ODAD3: variants seen among roughly 807,000 people sequenced by gnomAD.
The protein encoded by ODAD3 is outer dynein arm docking complex subunit 3, also known as outer dynein arm-docking complex subunit 3.
ODAD3 carries 57 observed loss-of-function variants against 70.9 expected under a neutral mutation model. The ratio of observed to expected loss-of-function variants is 0.80; its 90% CI spans 0.65 to 1.00. The LOEUF is 1.00. Among genes scored for constraint, ODAD3 ranks in the 50% least tolerant of loss-of-function variants. The pLI, the probability that ODAD3 is intolerant of heterozygous loss-of-function variation, is 0.00. For synonymous variants in ODAD3, 327 were observed against 315.9 expected (o/e 1.04, Z -0.37); for missense variants, 797 against 763.9 (o/e 1.04, Z -0.51).
upstream of ODAD3, chr19:11,435,725 G>A: frequency 1.5e-6 from 2 of 1,336,422 alleles, no homozygotes; most frequent in Non-Finnish European, 2.0e-6. Context: ...GAACGAGCGG[G>A]TGGGAGGGCA....
chr19:11,425,296 T>TATATGTGTATGTGTAC lies in ODAD3; in HGVS notation c.963+832_963+847dup, dbSNP rs1258782255. Among the ~76,000 whole-genome samples, 4 of 132,550 alleles carry TATATGTGTATGTGTAC rather than the reference T, an allele frequency of 3.0e-5. 1 individual carries two copies. Among genetic ancestry groups the TATATGTGTATGTGTAC allele is most frequent in the Non-Finnish European group, 6.1e-5 (4 of 65,296 alleles). The allele number at this position is 132,550 out of a possible 152,430, so 87.0% of individuals were successfully genotyped here. The stretch of plus-strand genomic sequence containing the variant: ...ATGTGTGTATATGTACATATGTGTA[T>TATATGTGTATGTGTAC]ATATGTGTATGTGTACATATGTGTA... On this transcript the variant is annotated intron_variant, in intron 7 of 12. Transcript: ENST00000356392.
intron 3 of ODAD3, among the ~76,000 whole-genome samples, chr19:11,429,640 C>T (rs573817813): frequency 2.6e-5 from 4 of 152,000 alleles, no homozygotes; most frequent in Admixed American, 2.6e-4. Flanking sequence ...GAACTCCTGA[C>T]CTTGTGATCC....
chr19:11,433,811 C>T (rs1359886048), intron 1 of ODAD3, among the ~76,000 whole-genome samples: 1 of 152,088 alleles, frequency 6.6e-6, no homozygotes, highest in Non-Finnish European at 1.5e-5. Context: ...CCTGTAGTCC[C>T]AGCTACTCAG....
rs1412553923 is a variant in ODAD3, at chr19:11,429,297, C to T, written c.444+1402G>A. 3.9e-5 allele frequency among the ~76,000 whole-genome samples: 6 copies of T among 152,002 alleles called. No individual in the cohort carries two copies. The South Asian group carries it at 6.2e-4, about 16-fold the overall frequency. On this transcript the variant is annotated intron_variant, in intron 3 of 12. Coordinates refer to ENST00000356392, the MANE Select transcript of ODAD3 (RefSeq NM_145045.5). The stretch of plus-strand genomic sequence containing the variant: ...ACCAGTCTCAGCTCACTGCAAGCTC[C>T]GCCTCCCGGGTTCAAACTGTTCTCC...
intron 8 of ODAD3, among the ~76,000 whole-genome samples, chr19:11,423,417 G>A (rs753714781): frequency 2.7e-4 from 41 of 152,138 alleles, no homozygotes; most frequent in Non-Finnish European, 4.6e-4. Context: ...GACCCAAGGG[G>A]GACACAGCGG....
intron 3 of ODAD3, among the ~76,000 whole-genome samples, chr19:11,428,504 A>T (rs1374432706): frequency 6.6e-6 from 1 of 152,128 alleles, no homozygotes; most frequent in Non-Finnish European, 1.5e-5. Context: ...TGGCCTCCCA[A>T]AGTACTAGGA....
intron 3 of ODAD3, among the ~76,000 whole-genome samples, chr19:11,428,908 GAC>G (rs1240991612): frequency 7.3e-6 from 1 of 137,472 alleles, no homozygotes; most frequent in Non-Finnish European, 1.6e-5. Flanking sequence ...TTTATTTTGA[GAC>G]AGAGTTGCCC....
At position 11,421,885 on chromosome 19, in the gene ODAD3, G is replaced by A. The variant is rs141084493; in HGVS notation, c.1435-53C>T. On this transcript the variant is annotated intron_variant, in intron 10 of 12. Coordinates refer to ENST00000356392, the MANE Select transcript of ODAD3 (RefSeq NM_145045.5). Reference sequence around the variant, plus strand: ...CGAGAGGGGTGGGGCCTCTTGGAAGGCTCCACCCAGGGGCGGGGCTTTTCT... The same window carrying A: ...CGAGAGGGGTGGGGCCTCTTGGAAGACTCCACCCAGGGGCGGGGCTTTTCT... 3.5e-5 allele frequency: 55 copies of A among 1,561,932 alleles called. No homozygotes were observed. In the East Asian group the frequency reaches 1.2e-3, roughly 35 times the overall value.
intron 7 of ODAD3, among the ~76,000 whole-genome samples, chr19:11,425,079 G>GTATATGTACATATGTGTA (rs1432512446): frequency 7.5e-6 from 1 of 134,162 alleles, no homozygotes; most frequent in East Asian, 2.4e-4. Flanking sequence ...ATGTATATGT[G>GTATATGTACATATGTGTA]TATATGTACA....
Position 11,422,578 on chromosome 19 carries a change from G to C in ODAD3, c.1327C>G (p.Arg443Gly). 3 of 1,592,506 alleles carry C rather than the reference G, an allele frequency of 1.9e-6. No homozygotes were observed. The highest frequency in any genetic ancestry group is 2.6e-6 in the Non-Finnish European group (3 of 1,172,044). The change falls in exon 10 of 13, where the codon CGG becomes GGG. Residue 443 changes from arginine to glycine, a missense_variant. Arg to Gly is a moderately radical substitution (Grantham distance 125). Transcript: ENST00000356392. This position sits in a 1 kb window ranked among gnomAD's most constrained non-coding sequence, Gnocchi z 4.6. Reference protein sequence around the residue: ...EAQERLKKEERRHAEAKDQLE... With the variant: ...EAQERLKKEEGRHAEAKDQLE... ...TGGTCCTTGGCCTCGGCGTGCCGCC[G>C]CTCCTCCTTCTTGAGACGCTCCTGC...
At position 11,425,427 on chromosome 19, in the gene ODAD3, AC is replaced by A. The variant is rs1236738945; in HGVS notation, c.963+716del. On this transcript the variant is annotated intron_variant, in intron 7 of 12. Coordinates refer to ENST00000356392, the MANE Select transcript of ODAD3 (RefSeq NM_145045.5). The stretch of plus-strand genomic sequence containing the variant: ...TATATATACATATATGTGTATATAC[AC>A]ATATGTGTATATGTATATATACATA... 3.0e-3 allele frequency among the ~76,000 whole-genome samples: 425 copies of A among 142,624 alleles called. 18 individuals carry two copies. The highest frequency in any genetic ancestry group is 0.011 in the African/African-American group (401 of 37,010). 93.6% of individuals were successfully genotyped at this position (142,624 alleles called of 152,430 possible).
chr19:11,423,974 T>C lies in ODAD3; in HGVS notation c.1019A>G (p.His340Arg). Residue 340 changes from histidine (H) to arginine (R), a missense_variant, in exon 8 of 13, where the codon CAT becomes CGT. Transcript: ENST00000356392. The stretch of plus-strand genomic sequence containing the variant: ...CTGCCGCAGCTCCTCCTCCTTGGCA[T>C]GCAGGCTGTCCTGGATGGTGTCGTC... Reference protein sequence around the residue: ...QSDDTIQDSLHAKEEELRQRW... With the variant: ...QSDDTIQDSLRAKEEELRQRW... The C allele has an allele frequency of 2.5e-6, 4 of 1,613,032 alleles. No individual in the cohort carries two copies. The highest frequency in any genetic ancestry group is 1.1e-5 in the South Asian group (1 of 91,078).
chr19:11,425,272 T>G lies in ODAD3; in HGVS notation c.963+872A>C, dbSNP rs1435190574. On this transcript the variant is annotated intron_variant, in intron 7 of 12. Coordinates refer to ENST00000356392, the MANE Select transcript of ODAD3 (RefSeq NM_145045.5). Reference sequence around the variant, plus strand: ...ATATGTATATGTACATATGTGTATATGTGTGTATATGTACATATGTGTATA... The same window carrying G: ...ATATGTATATGTACATATGTGTATAGGTGTGTATATGTACATATGTGTATA... 3.6e-5 allele frequency among the ~76,000 whole-genome samples: 5 copies of G among 138,628 alleles called. 2 individuals carry two copies. Among genetic ancestry groups the G allele is most frequent in the African/African-American group, 1.2e-4 (4 of 33,244 alleles). The allele number at this position is 138,628 out of a possible 152,430, so 90.9% of individuals were successfully genotyped here.
intron 3 of ODAD3, 39 bp downstream of exon 3, chr19:11,430,660 C>T (rs547975450): frequency 1.6e-5 from 25 of 1,608,222 alleles, no homozygotes; most frequent in Non-Finnish European, 2.0e-5. Context: ...GGGACCCAGG[C>T]TGGAAATGAA....
chr19:11,424,656 T>C (rs1454513394), intron 7 of ODAD3, among the ~76,000 whole-genome samples: 1 of 93,952 alleles, frequency 1.1e-5, no homozygotes, highest in African/African-American at 6.6e-5. Context: ...TATACCTATG[T>C]GTATATATGT....
chr19:11,431,349 G>T, intron 1 of ODAD3: 1 of 275,102 alleles, frequency 3.6e-6, no homozygotes, highest in Non-Finnish European at 7.1e-6. Context: ...GACCTCAGGT[G>T]TTCCCAAAGT....
intron 1 of ODAD3, among the ~76,000 whole-genome samples, chr19:11,433,512 C>G (rs546537053): frequency 1.6e-4 from 25 of 152,334 alleles, no homozygotes; most frequent in Middle Eastern, 3.4e-3. Context: ...CTATGTTGTA[C>G]TGTTACTATC....
intron 3 of ODAD3, among the ~76,000 whole-genome samples, chr19:11,429,137 C>G (rs1969450866): frequency 6.6e-6 from 1 of 152,010 alleles, no homozygotes; most frequent in African/African-American, 2.4e-5. Context: ...CCTCAGCCTC[C>G]CAAAGTGCTG....
chr19:11,433,783 C>A (rs1425204587), intron 1 of ODAD3, among the ~76,000 whole-genome samples: 1 of 151,910 alleles, frequency 6.6e-6, no homozygotes, highest in Non-Finnish European at 1.5e-5. Context: ...GAAAATTAGC[C>A]AAGCACAGTG....
Sources: allele counts gnomAD v4.1 joint callset (sites outside exome capture counted in the v4.1 genomes callset), GRCh38; gene constraint gnomAD v4.1.1; non-coding constraint Gnocchi (gnomAD v3.1); transcripts MANE v1.5; gene names NCBI Gene and HGNC (gene_info 2026-07-23, HGNC 2026-07-21).